Variants in ZNF709 observed in about 807,000 individuals in gnomAD.
ZNF709 encodes the protein zinc finger protein 709.
In ZNF709, 15 loss-of-function variants were observed where a neutral mutation model predicts 10.6. The observed-to-expected ratio is 1.41, with a 90% CI of 0.95 to 2.18. The LOEUF (loss-of-function observed/expected upper bound fraction) is 2.18, where lower values mean the gene tolerates loss of function less well. Among genes scored for constraint, ZNF709 ranks in the 30% most tolerant of loss-of-function variants. The probability of loss-of-function intolerance (pLI) is 0.00; values close to 1 mark genes in which losing one functional copy is unlikely to be tolerated. For synonymous variants in ZNF709, 194 were observed against 238.8 expected (o/e 0.81, Z 1.73); for missense variants, 589 against 774.0 (o/e 0.76, Z 2.84).
intron 1 of ZNF709, among the ~76,000 whole-genome samples, chr19:12,468,246 T>C (rs1970601817): frequency 6.6e-6 from 1 of 152,168 alleles, no homozygotes; most frequent in Admixed American, 6.5e-5. Flanking sequence ...TTTTGTGGAA[T>C]AGAAAAGGGG....
chr19:12,480,089 G>A (rs1184053076), intron 1 of ZNF709, among the ~76,000 whole-genome samples: 1 of 151,802 alleles, frequency 6.6e-6, no homozygotes, highest in Non-Finnish European at 1.5e-5. Context: ...AAGGAGTTCA[G>A]GGCTGTAGTG....
At chr19:12,467,752 C>T (rs1483873733) in intron 1 of ZNF709, among the ~76,000 whole-genome samples, 13 of 151,512 alleles carry the variant, frequency 8.6e-5, no homozygotes, top group African/African-American at 1.9e-4. Context: ...TCTGCCCCGC[C>T]GCCCCGTCTG....
rs1056856240 is a variant in ZNF709, at chr19:12,463,665, C to T, written c.*331G>A. The T allele has an allele frequency of 1.6e-5, 3 of 191,610 alleles. No individual in the cohort carries two copies. The highest frequency in any genetic ancestry group is 3.2e-5 in the Non-Finnish European group (3 of 94,668). The allele number at this position is 191,610 out of a possible 1,614,324, so 11.9% of individuals were successfully genotyped here. A position where few individuals can be genotyped will look rare whatever the true frequency, so the allele number is the denominator to read the frequency against. ...AATGGGGGCCGGGTGTGGTGGCTCA[C>T]ACCTGTAATCCAACACTTTGGGAGG... On this transcript the variant is annotated 3_prime_UTR_variant, in exon 4 of 4. Coordinates refer to ENST00000397732, the MANE Select transcript of ZNF709 (RefSeq NM_152601.4).
chr19:12,479,613 G>A (rs533545091), intron 1 of ZNF709, among the ~76,000 whole-genome samples: 1 of 152,280 alleles, frequency 6.6e-6, no homozygotes, highest in African/African-American at 2.4e-5. Flanking sequence ...GCTCACGCCT[G>A]TAATCCTAGC....
chr19:12,484,418 C>T (rs1454389364), intron 1 of ZNF709, among the ~76,000 whole-genome samples: 4 of 152,212 alleles, frequency 2.6e-5, no homozygotes, highest in Admixed American at 1.3e-4. Flanking sequence ...AGAGAGGGCT[C>T]CGGGACTGGG....
In ZNF709 at chr19:12,462,204, C is replaced by T. The variant is rs1970523144; in HGVS notation, c.*1792G>A. On this transcript the variant is annotated 3_prime_UTR_variant, in exon 4 of 4. Coordinates refer to ENST00000397732, the MANE Select transcript of ZNF709 (RefSeq NM_152601.4). ...CAATTGGCAGAGCAAAGGATCAGGA[C>T]AATGTGGTGGAAGCAGGTGTCCCTG... 1 of 152,144 alleles carries T rather than the reference C, an allele frequency of 6.6e-6. No homozygotes were observed. Among genetic ancestry groups the T allele is most frequent in the African/African-American group, 2.4e-5 (1 of 41,414 alleles). 9.4% of individuals were successfully genotyped at this position (152,144 alleles called of 1,614,324 possible).
At chr19:12,479,736 G>A (rs1363463950) in intron 1 of ZNF709, among the ~76,000 whole-genome samples, 2 of 151,984 alleles carry the variant, frequency 1.3e-5, no homozygotes, top group Non-Finnish European at 2.9e-5. Flanking sequence ...CGGGCGTGGT[G>A]GTGCACGCAT....
chr19:12,479,485 C>T (rs1250500321), intron 1 of ZNF709, among the ~76,000 whole-genome samples: 2 of 152,008 alleles, frequency 1.3e-5, no homozygotes, highest in African/African-American at 4.8e-5. Flanking sequence ...TTAAATAAGC[C>T]ATATTTTACT....
chr19:12,470,287 C>G (rs1237616722), intron 1 of ZNF709, among the ~76,000 whole-genome samples: 9 of 152,150 alleles, frequency 5.9e-5, no homozygotes, highest in Non-Finnish European at 1.0e-4. Context: ...AAACAGCAAT[C>G]CTGATACTAG....
At chr19:12,477,639 A>G (rs950858074) in intron 1 of ZNF709, among the ~76,000 whole-genome samples, 2 of 152,230 alleles carry the variant, frequency 1.3e-5, no homozygotes, top group Admixed American at 1.3e-4. Flanking sequence ...CTAATCCTAT[A>G]GTGTGTTAAT....
Position 12,464,919 on chromosome 19 carries a change from G to T in ZNF709, c.1003C>A (p.Pro335Thr). The change falls in exon 4 of 4, where the codon CCC becomes ACC. Residue 335 changes from proline to threonine, a missense_variant. By Grantham distance (38) the Pro-to-Thr change is conservative (BLOSUM62 -1). Transcript: ENST00000397732. Reference sequence around the variant, plus strand: ...TTCCCACATTCCTTACAATCATAGGGTTTCTCTCCTGTATGAATTCTTTCA... The same window carrying T: ...TTCCCACATTCCTTACAATCATAGGTTTTCTCTCCTGTATGAATTCTTTCA... ...KHERIHTGEK[P>T]YDCKECGKAF... 6.2e-7 allele frequency: 1 copy of T among 1,611,040 alleles called. No individual in the cohort carries two copies. Among genetic ancestry groups the T allele is most frequent in the Non-Finnish European group, 8.5e-7 (1 of 1,179,058 alleles).
At chr19:12,482,149 A>C (rs1444825454) in intron 1 of ZNF709, among the ~76,000 whole-genome samples, 2 of 137,996 alleles carry the variant, frequency 1.4e-5, no homozygotes, top group Admixed American at 7.3e-5. Context: ...ACACACACAC[A>C]CACACAAACA....
chr19:12,470,819 C>T (rs942974856), intron 1 of ZNF709, among the ~76,000 whole-genome samples: 7 of 150,726 alleles, frequency 4.6e-5, no homozygotes, highest in Non-Finnish European at 7.4e-5. Context: ...CCCAGCTACT[C>T]GGGAGGCTGA....
At chr19:12,483,321 T>TA in intron 1 of ZNF709, among the ~76,000 whole-genome samples, 1 of 121,100 alleles carries the variant, frequency 8.3e-6, no homozygotes, top group African/African-American at 2.8e-5. Flanking sequence ...TTTTTTTTTT[T>TA]TTTTTTTTTT....
At position 12,484,770 on chromosome 19, in the gene ZNF709, C is replaced by A; in HGVS notation, c.-113G>T. The A allele has an allele frequency of 2.1e-6, 3 of 1,447,766 alleles. No individual in the cohort carries two copies. Among genetic ancestry groups the A allele is most frequent in the Non-Finnish European group, 1.9e-6 (2 of 1,043,890 alleles). 89.7% of individuals were successfully genotyped at this position (1,447,766 alleles called of 1,614,324 possible). A position where few individuals can be genotyped will look rare whatever the true frequency, so the allele number is the denominator to read the frequency against. On this transcript the variant is annotated 5_prime_UTR_variant, in exon 1 of 4. Transcript: ENST00000397732. ...CTGAGGGCCTTCTGGGGTGAGGAGA[C>A]CCCAGAGCGGAGCGCAGCGGCTGGT...
In ZNF709 at chr19:12,484,766, G is replaced by A. The variant is rs563450878; in HGVS notation, c.-109C>T. 129 of 1,470,062 alleles carry A rather than the reference G, an allele frequency of 8.8e-5. 3 individuals carry two copies. The South Asian group carries it at 1.4e-3, about 16-fold the overall frequency. 91.1% of individuals were successfully genotyped at this position (1,470,062 alleles called of 1,614,324 possible). A position where few individuals can be genotyped will look rare whatever the true frequency, so the allele number is the denominator to read the frequency against. On this transcript the variant is annotated 5_prime_UTR_variant, in exon 1 of 4. Coordinates refer to ENST00000397732, the MANE Select transcript of ZNF709 (RefSeq NM_152601.4). ...CCACCTGAGGGCCTTCTGGGGTGAG[G>A]AGACCCCAGAGCGGAGCGCAGCGGC...
Position 12,464,487 on chromosome 19 carries a change from T to G in ZNF709, c.1435A>C (p.Lys479Gln). 6.2e-7 allele frequency: 1 copy of G among 1,613,066 alleles called. No individual in the cohort carries two copies. Among genetic ancestry groups the G allele is most frequent in the Non-Finnish European group, 8.5e-7 (1 of 1,179,590 alleles). Residue 479 changes from lysine to glutamine, a missense_variant, in exon 4 of 4, where the codon AAA becomes CAA. Lys to Gln is a moderately conservative substitution (Grantham distance 53). Coordinates refer to ENST00000397732, the MANE Select transcript of ZNF709 (RefSeq NM_152601.4). ...IHTGEKPYEC[K>Q]QCGKAFSFSS... ...AAACTAAAGGCTTTACCACACTGTT[T>G]ACATTCATAGGGTTTCTCTCCAGTG...
At chr19:12,482,407 C>T (rs781639978) in intron 1 of ZNF709, among the ~76,000 whole-genome samples, 8 of 152,116 alleles carry the variant, frequency 5.3e-5, no homozygotes, top group East Asian at 3.9e-4. Context: ...ATGAACTCAG[C>T]GAGCTCCACA....
At chr19:12,469,516 C>G (rs1432330109) in intron 1 of ZNF709, among the ~76,000 whole-genome samples, 1 of 152,068 alleles carries the variant, frequency 6.6e-6, no homozygotes, top group African/African-American at 2.4e-5. Context: ...CGCCTATAAT[C>G]CCAGCACTTT....
Sources: gnomAD v4.1 joint callset for allele counts (sites outside exome capture counted in the v4.1 genomes callset) on GRCh38, gnomAD v4.1.1 for gene constraint, MANE v1.5 for transcripts, NCBI Gene and HGNC (gene_info 2026-07-23, HGNC 2026-07-21) for gene names.